The following CNTN5 variants were observed in gnomAD, a reference collection of about 807,000 sequenced individuals.
The protein encoded by CNTN5 is contactin-5.
CNTN5 carries 77 observed loss-of-function variants against 129.1 expected under a neutral mutation model. The ratio of observed to expected loss-of-function variants is 0.60; its 90% confidence interval spans 0.50 to 0.72. CNTN5 has a LOEUF of 0.72. CNTN5 is among the 30% of genes least tolerant of loss of function. The pLI is 0.00. For missense variants in CNTN5, 1,478 were observed against 1,328.8 expected, an observed-to-expected ratio of 1.11 and a Z score of -1.75; for synonymous variants, 509 against 465.6, an observed-to-expected ratio of 1.09 and a Z score of -1.20.
intron 2 of CNTN5, among the ~76,000 whole-genome samples, chr11:99,535,792 G>GT (rs564160630): frequency 5.3e-5 from 8 of 151,972 alleles, no homozygotes; most frequent in Non-Finnish European, 7.4e-5. Flanking sequence ...GTTATGTTCA[G>GT]TTTTTTTTGG....
chr11:100,241,888 A>T (rs969243651), intron 16 of CNTN5, among the ~76,000 whole-genome samples: 1 of 152,328 alleles, frequency 6.6e-6, no homozygotes, highest in South Asian at 2.1e-4. Context: ...CATTTGTTAC[A>T]AAACCTTACT....
chr11:100,190,189 T>C (rs1279514287), intron 13 of CNTN5, among the ~76,000 whole-genome samples: 3 of 152,088 alleles, frequency 2.0e-5, no homozygotes, highest in African/African-American at 7.2e-5. Context: ...GAGGATCCAA[T>C]TTTAGGATTT....
chr11:99,973,929 G>A (rs948346378), intron 8 of CNTN5, among the ~76,000 whole-genome samples: 3 of 152,158 alleles, frequency 2.0e-5, no homozygotes, highest in Admixed American at 2.0e-4. Flanking sequence ...ATTCAAATGA[G>A]TGTTGTGTCT....
intron 7 of CNTN5, among the ~76,000 whole-genome samples, chr11:99,926,094 G>A (rs1172332864): frequency 6.6e-6 from 1 of 152,258 alleles, no homozygotes; most frequent in East Asian, 1.9e-4. Context: ...AAGATAATTA[G>A]CTCAATGGTT....
chr11:100,057,567 A>G (rs1358466845), intron 9 of CNTN5, among the ~76,000 whole-genome samples: 2 of 151,908 alleles, frequency 1.3e-5, no homozygotes, highest in African/African-American at 4.8e-5. Context: ...GGCACTGGGG[A>G]CATACTGCTT....
intron 3 of CNTN5, among the ~76,000 whole-genome samples, chr11:99,811,119 T>C (rs1946416443): frequency 6.6e-6 from 1 of 152,108 alleles, no homozygotes; most frequent in African/African-American, 2.4e-5. Flanking sequence ...TGGGTGTTGC[T>C]CACTCTTCTG....
At chr11:99,488,557 C>T (rs1945912369) in intron 2 of CNTN5, among the ~76,000 whole-genome samples, 1 of 151,918 alleles carries the variant, frequency 6.6e-6, no homozygotes, top group South Asian at 2.1e-4. Flanking sequence ...GCTAGGTCTT[C>T]AACCAAGAAT....
At chr11:99,548,942 C>T (rs1157572646) in intron 2 of CNTN5, among the ~76,000 whole-genome samples, 1 of 152,090 alleles carries the variant, frequency 6.6e-6, no homozygotes, top group Non-Finnish European at 1.5e-5. Flanking sequence ...ATCCCATTTT[C>T]TTTCTCACTC....
intron 1 of CNTN5, among the ~76,000 whole-genome samples, chr11:99,231,422 T>C (rs1257506868): frequency 2.0e-5 from 3 of 152,248 alleles, no homozygotes; most frequent in African/African-American, 4.8e-5. Flanking sequence ...TTTTTTAATA[T>C]GTTTGTTGCC....
At chr11:99,508,598 T>A (rs1003014137) in intron 2 of CNTN5, among the ~76,000 whole-genome samples, 14 of 152,170 alleles carry the variant, frequency 9.2e-5, no homozygotes, top group Non-Finnish European at 1.5e-5. Flanking sequence ...TAGCTGTATA[T>A]AAAATTACAA....
At chr11:100,062,881 T>C (rs1175422227) in intron 10 of CNTN5, among the ~76,000 whole-genome samples, 1 of 152,210 alleles carries the variant, frequency 6.6e-6, no homozygotes, top group African/African-American at 2.4e-5. Flanking sequence ...AAAAGTTTTT[T>C]TCTGTACCCC....
intron 3 of CNTN5, among the ~76,000 whole-genome samples, chr11:99,749,085 G>A (rs1323544041): frequency 6.6e-6 from 1 of 151,188 alleles, no homozygotes; most frequent in African/African-American, 2.4e-5. Flanking sequence ...CAGGCATGAT[G>A]GTGATGTCAG....
At position 100,070,432 on chromosome 11, in the gene CNTN5, C is replaced by A. The variant is rs763678196; in HGVS notation, c.1171C>A (p.His391Asn). ...TGCTTACATACTTACAGCCTACCCA[C>A]ACTGGGTAGAAAAACTGAATGATAC... ...RGQLQVYTYP[H>N]WVEKLNDTQL... Residue 391 changes from histidine to asparagine, a missense_variant, in exon 11 of 25, where the codon CAC becomes AAC. By Grantham distance (68) the His-to-Asn change is moderately conservative. Transcript: ENST00000524871. The A allele has an allele frequency of 6.2e-7, 1 of 1,611,596 alleles. No homozygotes were observed. Among genetic ancestry groups the A allele is most frequent in the Admixed American group, 1.7e-5 (1 of 59,786 alleles).
At chr11:99,258,531 T>C (rs896933921) in intron 1 of CNTN5, among the ~76,000 whole-genome samples, 1 of 152,092 alleles carries the variant, frequency 6.6e-6, no homozygotes, top group Non-Finnish European at 1.5e-5. Context: ...GTGTCTTTTT[T>C]ACATACTCCA....
intron 7 of CNTN5, among the ~76,000 whole-genome samples, chr11:99,955,811 G>A (rs184147195): frequency 9.1e-4 from 139 of 152,064 alleles, no homozygotes; most frequent in Admixed American, 1.9e-3. Flanking sequence ...TGATCCGCCC[G>A]CCTCGGCCTC....
intron 1 of CNTN5, among the ~76,000 whole-genome samples, chr11:99,048,528 G>C (rs1387411091): frequency 6.6e-6 from 1 of 152,094 alleles, no homozygotes; most frequent in East Asian, 1.9e-4. Flanking sequence ...ACATTAATTA[G>C]TTATAAAATA....
At chr11:100,024,245 C>G (rs371342309) in intron 9 of CNTN5, among the ~76,000 whole-genome samples, 1 of 152,308 alleles carries the variant, frequency 6.6e-6, no homozygotes, top group East Asian at 1.9e-4. Context: ...AGGCACTTCT[C>G]TTTCCTGCCA....
intron 3 of CNTN5, among the ~76,000 whole-genome samples, chr11:99,600,110 A>G (rs569689390): frequency 1.3e-5 from 2 of 152,150 alleles, no homozygotes; most frequent in Non-Finnish European, 2.9e-5. Flanking sequence ...ACACTTAACA[A>G]AAATGTGCTG....
At chr11:100,303,194 G>T (rs143420728) in intron 20 of CNTN5, among the ~76,000 whole-genome samples, 41 of 151,316 alleles carry the variant, frequency 2.7e-4, no homozygotes, top group Non-Finnish European at 5.0e-4. Flanking sequence ...CCTTTAAACC[G>T]AGCAAGGTTT....
Sources: allele counts gnomAD v4.1 joint callset (sites outside exome capture counted in the v4.1 genomes callset), GRCh38; gene constraint gnomAD v4.1.1; transcripts MANE v1.5; gene names NCBI Gene and HGNC (gene_info 2026-07-23, HGNC 2026-07-21).